Variants in NDNF observed in about 807,000 individuals in gnomAD.
The protein encoded by NDNF is protein NDNF.
A neutral mutation model predicts 42.0 loss-of-function variants in NDNF; 16 were observed. That is an observed-to-expected ratio of 0.38 (90% CI 0.26 to 0.58). The LOEUF (loss-of-function observed/expected upper bound fraction) is 0.58. Among genes scored for constraint, NDNF ranks in the 20% least tolerant of loss-of-function variants. The pLI is 0.67. For synonymous variants in NDNF, 248 were observed against 251.7 expected (o/e 0.99, Z 0.14); for missense variants, 616 against 666.2 (o/e 0.92, Z 0.83).
At position 121,039,985 on chromosome 4, in the gene NDNF, C is replaced by T. The variant is rs1338294267; in HGVS notation, c.258G>A (p.Leu86=). The T allele has an allele frequency of 6.2e-7, 1 of 1,614,102 alleles. No homozygotes were observed. The highest frequency in any genetic ancestry group is 1.1e-5 in the South Asian group (1 of 91,078). Residue 86 remains leucine, a synonymous_variant, in exon 3 of 4, where the codon TTG becomes TTA. Transcript: ENST00000379692. ...SVTVTPCDAP[L]EWKLSLQELP... ...GCTCCTGGAGGCTCAGCTTCCACTC[C>T]AAAGGCGCATCACAGGGCGTCACTG...
chr4:121,044,734 G>A (rs1342869077), intron 2 of NDNF, among the ~76,000 whole-genome samples: 1 of 152,128 alleles, frequency 6.6e-6, no homozygotes, highest in Non-Finnish European at 1.5e-5. Flanking sequence ...GGATGCTGAG[G>A]CAGGAGGATC....
intron 1 of NDNF, among the ~76,000 whole-genome samples, chr4:121,046,803 T>C (rs546717415): frequency 8.5e-5 from 13 of 152,362 alleles, no homozygotes; most frequent in African/African-American, 3.1e-4. Flanking sequence ...TCAAAGACAC[T>C]GTCTTCCACA....
At chr4:121,067,812 A>G (rs781320371) in intron 1 of NDNF, among the ~76,000 whole-genome samples, 16 of 152,244 alleles carry the variant, frequency 1.1e-4, no homozygotes, top group Admixed American at 7.9e-4. Flanking sequence ...AAATATTTCA[A>G]AAGACTAAAA....
In NDNF at chr4:121,072,416, G is replaced by C. The variant is rs962929561; in HGVS notation, c.-425C>G. ...TTCGCCGGCCGCCGCTAGTCGCACAGGCGCCTGGCTGGAGCGCCGCGCGGG... is the reference window on the plus strand; with the variant it reads ...TTCGCCGGCCGCCGCTAGTCGCACACGCGCCTGGCTGGAGCGCCGCGCGGG... On this transcript the variant is annotated 5_prime_UTR_variant, in exon 1 of 4. Coordinates refer to ENST00000379692, the MANE Select transcript of NDNF (RefSeq NM_024574.4). The C allele has an allele frequency of 6.6e-6, 1 of 151,586 alleles. No individual in the cohort carries two copies. The highest frequency in any genetic ancestry group is 1.5e-5 in the Non-Finnish European group (1 of 67,884). 9.4% of individuals were successfully genotyped at this position (151,586 alleles called of 1,614,324 possible).
intron 1 of NDNF, among the ~76,000 whole-genome samples, chr4:121,060,176 AG>A (rs1727379528): frequency 6.6e-6 from 1 of 151,612 alleles, no homozygotes; most frequent in African/African-American, 2.4e-5. Context: ...TACCTTCTTT[AG>A]TTTTTTTATT....
intron 1 of NDNF, among the ~76,000 whole-genome samples, chr4:121,053,699 T>C (rs888860953): frequency 6.6e-6 from 1 of 152,222 alleles, no homozygotes; most frequent in Non-Finnish European, 1.5e-5. Flanking sequence ...AAATGTCCTC[T>C]ATATGTGAAA....
chr4:121,052,597 T>C (rs1727218633), intron 1 of NDNF, among the ~76,000 whole-genome samples: 1 of 152,174 alleles, frequency 6.6e-6, no homozygotes, highest in Non-Finnish European at 1.5e-5. Context: ...TCTGAAGCAT[T>C]TGGTCCAGGT....
At chr4:121,070,409 G>A (rs1727570049) in intron 1 of NDNF, among the ~76,000 whole-genome samples, 1 of 152,144 alleles carries the variant, frequency 6.6e-6, no homozygotes, top group African/African-American at 2.4e-5. Flanking sequence ...GATTTTACTT[G>A]TTTGAAGGGG....
intron 1 of NDNF, among the ~76,000 whole-genome samples, chr4:121,051,945 C>A (rs555010775): frequency 6.6e-6 from 1 of 152,284 alleles, no homozygotes; most frequent in East Asian, 1.9e-4. Flanking sequence ...ATAGAAAGTT[C>A]TTTTGGGCTT....
rs1726860322 is a variant in NDNF at position 121,036,171 on chromosome 4, A to G, written c.*93T>C. 3 of 1,013,320 alleles carry G rather than the reference A, an allele frequency of 3.0e-6. No individual in the cohort carries two copies. Among genetic ancestry groups the G allele is most frequent in the Non-Finnish European group, 4.4e-6 (3 of 680,874 alleles). 62.8% of individuals were successfully genotyped at this position (1,013,320 alleles called of 1,614,324 possible). On this transcript the variant is annotated 3_prime_UTR_variant, in exon 4 of 4. Transcript: ENST00000379692. Reference sequence around the variant, plus strand: ...TTCCATAGTACAAGTACAGGTCACAACTTCTCTCAACTGTGGGAGTAGTCA... The same window carrying G: ...TTCCATAGTACAAGTACAGGTCACAGCTTCTCTCAACTGTGGGAGTAGTCA...
At chr4:121,065,786 C>T (rs1042057581) in intron 1 of NDNF, among the ~76,000 whole-genome samples, 2 of 151,696 alleles carry the variant, frequency 1.3e-5, no homozygotes, top group African/African-American at 4.8e-5. Flanking sequence ...AAAATAACCC[C>T]TTCTAAAATG....
chr4:121,040,628 C>A (rs1439217146), intron 2 of NDNF, among the ~76,000 whole-genome samples: 1 of 152,132 alleles, frequency 6.6e-6, no homozygotes. Flanking sequence ...TTATTCACAG[C>A]TTTACTATTT....
intron 1 of NDNF, among the ~76,000 whole-genome samples, chr4:121,070,971 G>T (rs148235441): frequency 2.6e-5 from 4 of 152,264 alleles, no homozygotes; most frequent in Admixed American, 6.5e-5. Context: ...GAACTGCCGG[G>T]AGCTCTCACG....
At chr4:121,045,876 G>A (rs1727083854) in intron 1 of NDNF, 38 bp from the exon 2 acceptor site, 2 of 1,584,908 alleles carry the variant, frequency 1.3e-6, no homozygotes, top group Non-Finnish European at 8.6e-7. Flanking sequence ...TAGTTCTGCA[G>A]GCAGACACTC....
intron 2 of NDNF, among the ~76,000 whole-genome samples, chr4:121,043,525 A>G (rs184190299): frequency 6.6e-6 from 1 of 152,206 alleles, no homozygotes; most frequent in Non-Finnish European, 1.5e-5. Context: ...AAAGATAAAT[A>G]TAAAGAATGA....
At chr4:121,050,309 T>A (rs184153625) in intron 1 of NDNF, among the ~76,000 whole-genome samples, 7 of 152,332 alleles carry the variant, frequency 4.6e-5, no homozygotes, top group Admixed American at 4.6e-4. Flanking sequence ...AAGAACAGAC[T>A]TTTTTTCTAA....
At chr4:121,060,391 G>C (rs1727383463) in intron 1 of NDNF, among the ~76,000 whole-genome samples, 1 of 151,984 alleles carries the variant, frequency 6.6e-6, no homozygotes. Flanking sequence ...TGGTTGCCCA[G>C]GCTGGTTTTG....
intron 1 of NDNF, among the ~76,000 whole-genome samples, chr4:121,051,923 C>T (rs1039522093): frequency 6.6e-6 from 1 of 152,232 alleles, no homozygotes; most frequent in African/African-American, 2.4e-5. Context: ...CAAACAATTG[C>T]AAATCTGGTA....
chr4:121,070,782 G>A (rs949517240), intron 1 of NDNF, among the ~76,000 whole-genome samples: 1 of 152,140 alleles, frequency 6.6e-6, no homozygotes, highest in African/African-American at 2.4e-5. Context: ...CATACACTCA[G>A]GTTCATTTCC....
Sources: gnomAD v4.1 joint callset for allele counts (sites outside exome capture counted in the v4.1 genomes callset) on GRCh38, gnomAD v4.1.1 for gene constraint, MANE v1.5 for transcripts, NCBI Gene and HGNC (gene_info 2026-07-23, HGNC 2026-07-21) for gene names.